TTC7A: variants seen among roughly 807,000 people sequenced by gnomAD.
TTC7A encodes the protein tetratricopeptide repeat domain 7A.
TTC7A carries 110 observed loss-of-function variants against 103.7 expected under a neutral mutation model. That is an observed-to-expected ratio of 1.06 (90% CI 0.91 to 1.24). The LOEUF (loss-of-function observed/expected upper bound fraction) is 1.24. TTC7A is among the 50% of genes most tolerant of loss of function. The probability of loss-of-function intolerance (pLI) is 0.00; values close to 1 mark genes in which losing one functional copy is unlikely to be tolerated. For missense variants in TTC7A, 1,340 were observed against 1,116.3 expected (o/e 1.20, Z -2.86); for synonymous variants, 521 against 467.9 (o/e 1.11, Z -1.47).
rs891556518 is a variant in TTC7A at position 47,022,312 on chromosome 2, G to A, written c.1510+333G>A. On this transcript the variant is annotated intron_variant, in intron 12 of 19. Transcript: ENST00000319190. ...AACTCCTGCTTCCTGTCTGTAATGC[G>A]CCATCAGCCCTCCACCTCACAATGC... 1.2e-4 allele frequency among the ~76,000 whole-genome samples: 19 copies of A among 152,264 alleles called. No individual in the cohort carries two copies. The East Asian group carries it at 1.9e-3, about 15-fold the overall frequency.
rs1368651832 is a variant in TTC7A at position 47,024,361 on chromosome 2, T to C, written c.1641+2T>C. 6.2e-7 allele frequency: 1 copy of C among 1,605,010 alleles called. No individual in the cohort carries two copies. Among genetic ancestry groups the C allele is most frequent in the Non-Finnish European group, 8.5e-7 (1 of 1,175,992 alleles). Reference sequence around the variant, plus strand: ...CTGCAGCTGGCCCTCGTCCGACAGGTGGGTTGTCCGTGTTCCTAACCCCCG... The same window carrying C: ...CTGCAGCTGGCCCTCGTCCGACAGGCGGGTTGTCCGTGTTCCTAACCCCCG... On this transcript the variant is annotated splice_donor_variant, in intron 14 of 19. Transcript: ENST00000319190. LOFTEE classifies it high-confidence loss of function.
At chr2:47,072,625 T>C (rs1015381836) in intron 19 of TTC7A, among the ~76,000 whole-genome samples, 1 of 152,144 alleles carries the variant, frequency 6.6e-6, no homozygotes, top group African/African-American at 2.4e-5. Context: ...TCCAGGCACA[T>C]AGAAGGCAGC....
chr2:46,989,224 C>A (rs1675352281), intron 5 of TTC7A, among the ~76,000 whole-genome samples: 1 of 152,230 alleles, frequency 6.6e-6, no homozygotes, highest in African/African-American at 2.4e-5. Flanking sequence ...CCAGGCTTTA[C>A]TTGACTTGGA....
intron 2 of TTC7A, among the ~76,000 whole-genome samples, chr2:46,931,153 T>C (rs376861466): frequency 5.4e-4 from 83 of 152,340 alleles, no homozygotes; most frequent in African/African-American, 1.9e-3. Flanking sequence ...TCTATGAGTG[T>C]TATTTATTTA....
In TTC7A at chr2:47,024,748, G is replaced by A. The variant is rs538468015; in HGVS notation, c.1641+389G>A. Among the ~76,000 whole-genome samples the A allele has an allele frequency of 7.2e-4, 109 of 152,196 alleles. No homozygotes were observed. In the Middle Eastern group the frequency reaches 0.01, roughly 14 times the overall value. On this transcript the variant is annotated intron_variant, in intron 14 of 19. Transcript: ENST00000319190. Reference sequence around the variant, plus strand: ...AGCTGTTGCATGTTGGGCTTTCTCTGTGACCCCCAAGCTACTCCTTCACTG... The same window carrying A: ...AGCTGTTGCATGTTGGGCTTTCTCTATGACCCCCAAGCTACTCCTTCACTG...
intron 14 of TTC7A, among the ~76,000 whole-genome samples, chr2:47,026,304 G>A (rs1679909823): frequency 6.6e-6 from 1 of 152,218 alleles, no homozygotes; most frequent in Admixed American, 6.5e-5. Flanking sequence ...CACCAGCACA[G>A]GAGCAGCCTT....
At chr2:46,935,105 C>G (rs370777030) in intron 2 of TTC7A, among the ~76,000 whole-genome samples, 64 of 152,058 alleles carry the variant, frequency 4.2e-4, no homozygotes, top group African/African-American at 1.5e-3. Flanking sequence ...AGCCCTAAGA[C>G]TACTGGTCTT....
intron 15 of TTC7A, among the ~76,000 whole-genome samples, chr2:47,032,626 C>T (rs1192667444): frequency 2.0e-5 from 3 of 151,794 alleles, no homozygotes; most frequent in Non-Finnish European, 4.4e-5. Context: ...CTGCAGGCCC[C>T]ACCCCCAGTA....
intron 11 of TTC7A, among the ~76,000 whole-genome samples, chr2:47,020,986 G>T (rs55654462): frequency 1.3e-5 from 2 of 152,230 alleles, no homozygotes; most frequent in Admixed American, 6.5e-5. Context: ...CCCATGGCTT[G>T]GGGCTTTGAT....
At chr2:47,054,216 G>C in intron 18 of TTC7A, 1 of 968,298 alleles carries the variant, frequency 1.0e-6, no homozygotes, top group Non-Finnish European at 1.2e-6. Context: ...CAAAATAGCA[G>C]TGTCTTGCAC....
intron 11 of TTC7A, among the ~76,000 whole-genome samples, chr2:47,017,625 T>C (rs1428131280): frequency 6.6e-6 from 1 of 152,000 alleles, no homozygotes; most frequent in African/African-American, 2.4e-5. Context: ...CACAGTGGGG[T>C]GAGTGGACCC....
Position 46,941,574 on chromosome 2 carries a change from G to A in TTC7A, c.33G>A (p.Leu11=), listed in dbSNP as rs1476233072. Residue 11 remains leucine (L), a synonymous_variant, in exon 1 of 20, where the codon CTG becomes CTA. Transcript: ENST00000319190. This position sits in a 1 kb window ranked among gnomAD's most constrained non-coding sequence, Gnocchi z 4.2. Reference sequence around the variant, plus strand: ...CGAAGGGCGCGCACGGCTCCTACCTGAAGGTGGAGAGCGAGCTGGAGCGCT... The same window carrying A: ...CGAAGGGCGCGCACGGCTCCTACCTAAAGGTGGAGAGCGAGCTGGAGCGCT... MAAKGAHGSY[L]KVESELERCR... 1.9e-6 allele frequency: 3 copies of A among 1,557,602 alleles called. No individual in the cohort carries two copies. The East Asian group carries it at 7.2e-5, about 38-fold the overall frequency.
chr2:46,948,405 T>C (rs369379686), intron 1 of TTC7A, among the ~76,000 whole-genome samples: 33 of 152,222 alleles, frequency 2.2e-4, no homozygotes, highest in Admixed American at 1.2e-3. Context: ...TACCAACTTA[T>C]AGTCTGCCAG....
intron 5 of TTC7A, among the ~76,000 whole-genome samples, chr2:46,982,162 C>T (rs1469345025): frequency 6.6e-6 from 1 of 151,746 alleles, no homozygotes; most frequent in East Asian, 1.9e-4. Flanking sequence ...CGCTTGAGTC[C>T]AGGAGTTTGA....
At chr2:46,965,769 G>A (rs1341937142) in intron 3 of TTC7A, among the ~76,000 whole-genome samples, 2 of 151,974 alleles carry the variant, frequency 1.3e-5, no homozygotes, top group African/African-American at 4.8e-5. Context: ...CGCAATGTTA[G>A]CCAGGCTGTT....
In TTC7A at chr2:46,948,299, A is replaced by T. The variant is rs1182060107; in HGVS notation, c.185-2064A>T. ...TAGAAGCAGGGAGCAACTTTCCCCA[A>T]GGCCCACAGCTCTGGAATGTGGCTC... On this transcript the variant is annotated intron_variant, in intron 1 of 19. Coordinates refer to ENST00000319190, the MANE Select transcript of TTC7A (RefSeq NM_020458.4). Among the ~76,000 whole-genome samples the T allele has an allele frequency of 3.9e-5, 6 of 152,188 alleles. No individual in the cohort carries two copies. The East Asian group carries it at 9.6e-4, about 24-fold the overall frequency.
intron 18 of TTC7A, among the ~76,000 whole-genome samples, chr2:47,055,523 G>C (rs575097299): frequency 8.5e-5 from 13 of 152,176 alleles, no homozygotes; most frequent in Non-Finnish European, 1.5e-4. Flanking sequence ...CAGGATCTGA[G>C]TGTTGAGAGA....
upstream of TTC7A, among the ~76,000 whole-genome samples, chr2:46,939,104 C>CGGGA (rs538504986): frequency 9.9e-5 from 15 of 151,848 alleles, no homozygotes; most frequent in East Asian, 2.9e-3. Flanking sequence ...AGCAAGATCC[C>CGGGA]GTCTCTACAA....
chr2:46,919,323 C>T (rs1668979325), intron 2 of TTC7A, among the ~76,000 whole-genome samples: 2 of 152,200 alleles, frequency 1.3e-5, no homozygotes, highest in African/African-American at 2.4e-5. Flanking sequence ...CACCTCAGGT[C>T]AGGAGTTCGA....
Sources: gnomAD v4.1 joint callset for allele counts (sites outside exome capture counted in the v4.1 genomes callset) on GRCh38, gnomAD v4.1.1 for gene constraint, Gnocchi (gnomAD v3.1) non-coding constraint, MANE v1.5 for transcripts, NCBI Gene and HGNC (gene_info 2026-07-23, HGNC 2026-07-21) for gene names.